SRSF4: variants seen among roughly 807,000 people sequenced by gnomAD.
SRSF4 encodes serine and arginine rich splicing factor 4.
A neutral mutation model predicts 48.8 loss-of-function variants in SRSF4; 12 were observed. That is an observed-to-expected ratio of 0.25 (90% CI 0.16 to 0.40). SRSF4 has a LOEUF of 0.40. SRSF4 is among the 10% of genes least tolerant of loss of function. The pLI is 1.00. For synonymous variants in SRSF4, 248 were observed against 232.5 expected (o/e 1.07, Z -0.61); for missense variants, 466 against 667.1 (o/e 0.70, Z 3.32).
intron 1 of SRSF4, among the ~76,000 whole-genome samples, chr1:29,161,245 G>A (rs1056891225): frequency 4.6e-5 from 7 of 152,160 alleles, no homozygotes; most frequent in African/African-American, 7.2e-5. Flanking sequence ...CTATTAAAGA[G>A]TACAATTTAT....
chr1:29,149,372 C>A, intron 5 of SRSF4, 146 bp from the exon 6 acceptor site: 1 of 1,066,238 alleles, frequency 9.4e-7, no homozygotes, highest in Non-Finnish European at 1.3e-6. Flanking sequence ...TGAACCCTCA[C>A]AATGCCAATC....
chr1:29,151,814 A>C (rs558442186), intron 4 of SRSF4, among the ~76,000 whole-genome samples: 7 of 152,358 alleles, frequency 4.6e-5, no homozygotes, highest in Admixed American at 2.6e-4. Context: ...TCTACAACTT[A>C]CTTTCAAATG....
intron 1 of SRSF4, among the ~76,000 whole-genome samples, chr1:29,166,413 T>C (rs1672670249): frequency 6.6e-6 from 1 of 152,236 alleles, no homozygotes. Context: ...GAAAAGCTTG[T>C]GAATGAGAAC....
Position 29,160,533 on chromosome 1 carries a change from G to A in SRSF4, c.108-16C>T. ...AAAACCATATCTAGAAGAGAGCAAAGAAAATACTGGTTGGTACCATTTTGA... is the reference window on the plus strand; with the variant it reads ...AAAACCATATCTAGAAGAGAGCAAAAAAAATACTGGTTGGTACCATTTTGA... On this transcript the variant is annotated splice_polypyrimidine_tract_variant and intron_variant, in intron 1 of 5. Transcript: ENST00000373795. 5 of 1,589,828 alleles carry A rather than the reference G, an allele frequency of 3.1e-6. No individual in the cohort carries two copies. The highest frequency in any genetic ancestry group is 4.3e-6 in the Non-Finnish European group (5 of 1,169,702).
At chr1:29,150,035 A>T in intron 5 of SRSF4, 68 bp downstream of exon 5, 1 of 1,342,436 alleles carries the variant, frequency 7.4e-7, no homozygotes, top group East Asian at 2.4e-5. Context: ...AAAAAAAAAG[A>T]AAAAAAAGTG....
At chr1:29,174,710 C>T (rs1190742914) in intron 1 of SRSF4, among the ~76,000 whole-genome samples, 1 of 147,700 alleles carries the variant, frequency 6.8e-6, no homozygotes, top group Non-Finnish European at 1.5e-5. Context: ...AGTCTTGCTC[C>T]ATCACCAGGC....
intron 1 of SRSF4, among the ~76,000 whole-genome samples, chr1:29,179,092 T>A (rs1438589993): frequency 6.6e-6 from 1 of 152,208 alleles, no homozygotes; most frequent in East Asian, 1.9e-4. Flanking sequence ...TCTTTCCTCT[T>A]ATCGCTCCAT....
chr1:29,180,161 A>C (rs1672933315), intron 1 of SRSF4, among the ~76,000 whole-genome samples: 1 of 152,220 alleles, frequency 6.6e-6, no homozygotes. Context: ...TAAGTGGTGG[A>C]ACCAGGATTT....
At chr1:29,164,597 T>C (rs1398949520) in intron 1 of SRSF4, among the ~76,000 whole-genome samples, 1 of 152,206 alleles carries the variant, frequency 6.6e-6, no homozygotes, top group Non-Finnish European at 1.5e-5. Flanking sequence ...AAGAGATAAA[T>C]TTCTCTAATT....
intron 1 of SRSF4, among the ~76,000 whole-genome samples, chr1:29,165,178 T>G (rs1672654134): frequency 6.6e-6 from 1 of 152,092 alleles, no homozygotes; most frequent in African/African-American, 2.4e-5. Flanking sequence ...ATTTTCCCTG[T>G]AAAAAAAGGC....
At position 29,161,723 on chromosome 1, in the gene SRSF4, C is replaced by T. The variant is rs370119828; in HGVS notation, c.108-1206G>A. On this transcript the variant is annotated intron_variant, in intron 1 of 5. Coordinates refer to ENST00000373795, the MANE Select transcript of SRSF4 (RefSeq NM_005626.5). The stretch of plus-strand genomic sequence containing the variant: ...AAGTGATTCTCCTGCCTCAGCCTCC[C>T]GAGTAGCTGGGATTACAGGCGCACG... 6.6e-5 allele frequency among the ~76,000 whole-genome samples: 10 copies of T among 152,314 alleles called. No individual in the cohort carries two copies. The East Asian group carries it at 1.5e-3, about 23-fold the overall frequency.
At position 29,155,043 on chromosome 1, in the gene SRSF4, T is replaced by G. The variant is rs184732030; in HGVS notation, c.364-133A>C. On this transcript the variant is annotated intron_variant, in intron 3 of 5. Coordinates refer to ENST00000373795, the MANE Select transcript of SRSF4 (RefSeq NM_005626.5). ...TAAAGTTTACTCTTAAATATTTTCA[T>G]CTACCCATCAATCATGTACTGAGGT... is the stretch of plus-strand genomic sequence containing the variant. 5.3e-4 allele frequency: 426 copies of G among 810,942 alleles called. No homozygotes were observed. The Middle Eastern group carries it at 6.0e-3, about 11-fold the overall frequency. The allele number at this position is 810,942 out of a possible 1,614,324, so 50.2% of individuals were successfully genotyped here. A position where few individuals can be genotyped will look rare whatever the true frequency, so the allele number is the denominator to read the frequency against.
At position 29,154,624 on chromosome 1, in the gene SRSF4, G is replaced by A. The variant is rs555184588; in HGVS notation, c.578+72C>T. The A allele has an allele frequency of 2.5e-4, 357 of 1,437,832 alleles. 1 individual carries two copies. In the South Asian group the frequency reaches 3.4e-3, roughly 14 times the overall value. The allele number at this position is 1,437,832 out of a possible 1,614,324, so 89.1% of individuals were successfully genotyped here. ...GTTATTAAGAACTCAACAGGAAAAT[G>A]TAAATAAATTATCTATGTGCTCACT... On this transcript the variant is annotated intron_variant, in intron 4 of 5. Transcript: ENST00000373795.
intron 3 of SRSF4, among the ~76,000 whole-genome samples, chr1:29,156,753 C>T (rs1180881475): frequency 1.3e-5 from 2 of 152,098 alleles, no homozygotes; most frequent in Admixed American, 1.3e-4. Context: ...GCCTCAACAC[C>T]ACCCGTAGGG....
intron 4 of SRSF4, among the ~76,000 whole-genome samples, chr1:29,153,095 T>C (rs1024298890): frequency 2.6e-5 from 4 of 152,122 alleles, no homozygotes; most frequent in African/African-American, 9.7e-5. Context: ...TCAATACTCA[T>C]CTTCTACGCT....
At chr1:29,160,063 T>C in intron 2 of SRSF4, 1 of 235,950 alleles carries the variant, frequency 4.2e-6, no homozygotes, top group Non-Finnish European at 8.1e-6. Flanking sequence ...AGGATTCTTT[T>C]AATTAAAACA....
At chr1:29,158,282 A>T (rs1672532154) in intron 3 of SRSF4, among the ~76,000 whole-genome samples, 1 of 152,236 alleles carries the variant, frequency 6.6e-6, no homozygotes, top group Non-Finnish European at 1.5e-5. Flanking sequence ...ACCTTATGAA[A>T]AAACATGGGT....
chr1:29,148,035 G>A lies in SRSF4; in HGVS notation c.*375C>T, dbSNP rs1322394815. 1 of 472,182 alleles carries A rather than the reference G, an allele frequency of 2.1e-6. No homozygotes were observed. The allele number at this position is 472,182 out of a possible 1,614,324, so 29.2% of individuals were successfully genotyped here. A position where few individuals can be genotyped will look rare whatever the true frequency, so the allele number is the denominator to read the frequency against. On this transcript the variant is annotated 3_prime_UTR_variant, in exon 6 of 6. Transcript: ENST00000373795. ...CTTTCACTAAATGGCATACATCGAA[G>A]GGCATCAATTCAAGAGCAAAAATGG...
chr1:29,175,093 C>T (rs1048108723), intron 1 of SRSF4, among the ~76,000 whole-genome samples: 3 of 151,336 alleles, frequency 2.0e-5, no homozygotes, highest in African/African-American at 7.3e-5. Flanking sequence ...CAAAGAGTTA[C>T]ATCTTTGGAT....
Sources: gnomAD v4.1 joint callset for allele counts (sites outside exome capture counted in the v4.1 genomes callset) on GRCh38, gnomAD v4.1.1 for gene constraint, MANE v1.5 for transcripts, NCBI Gene and HGNC (gene_info 2026-07-23, HGNC 2026-07-21) for gene names.